Variants in CYP11B2 observed in about 807,000 individuals in gnomAD.
The protein encoded by CYP11B2 is cytochrome P450 11B2, mitochondrial.
In CYP11B2, 38 loss-of-function variants were observed where a neutral mutation model predicts 49.3. The observed-to-expected ratio is 0.77, with a 90% CI of 0.59 to 1.01. The LOEUF (loss-of-function observed/expected upper bound fraction) is 1.01. CYP11B2 is among the 50% of genes least tolerant of loss of function. The pLI is 0.00. For missense variants in CYP11B2, 669 were observed against 655.5 expected (o/e 1.02, Z -0.23); for synonymous variants, 290 against 269.3 (o/e 1.08, Z -0.75).
chr8:142,916,624 C>A, intron 2 of CYP11B2: 1 of 389,608 alleles, frequency 2.6e-6, no homozygotes, highest in South Asian at 1.9e-5. Context: ...CTGCAGGGAC[C>A]CTGAGCGCCC....
Position 142,914,330 on chromosome 8 carries a change from C to A in CYP11B2, c.888G>T (p.Lys296Asn). 2 of 1,613,996 alleles carry A rather than the reference C, an allele frequency of 1.2e-6. No individual in the cohort carries two copies. Among genetic ancestry groups the A allele is most frequent in the African/African-American group, 2.7e-5 (2 of 75,036 alleles). Reference protein sequence around the residue: ...YTGIVAELLLKAELSLEAIKA... With the variant: ...YTGIVAELLLNAELSLEAIKA... ...TGATGGCTTCTAGTGACAGTTCCGC[C>A]TTCAACAGGAGCTCCGCCACGATGC... Residue 296 changes from lysine (K) to asparagine (N), a missense_variant, in exon 5 of 9, where the codon AAG becomes AAT. Lys to Asn is a moderately conservative substitution (Grantham distance 94). Coordinates refer to ENST00000323110, the MANE Select transcript of CYP11B2 (RefSeq NM_000498.3).
chr8:142,911,165 C>T lies in CYP11B2; in HGVS notation c.*815G>A, dbSNP rs1175320245. 6.6e-6 allele frequency: 1 copy of T among 152,166 alleles called. No homozygotes were observed. Among genetic ancestry groups the T allele is most frequent in the Non-Finnish European group, 1.5e-5 (1 of 68,064 alleles). 9.4% of individuals were successfully genotyped at this position (152,166 alleles called of 1,614,324 possible). A position where few individuals can be genotyped will look rare whatever the true frequency, so the allele number is the denominator to read the frequency against. On this transcript the variant is annotated 3_prime_UTR_variant, in exon 9 of 9. Coordinates refer to ENST00000323110, the MANE Select transcript of CYP11B2 (RefSeq NM_000498.3). ...TGGCCCAATCCTGTCTCTCCTGTTG[C>T]CAAAAACATTTCTGGAACCACACCC...
chr8:142,916,940 C>T lies in CYP11B2; in HGVS notation c.395+119G>A, dbSNP rs1817656625. On this transcript the variant is annotated intron_variant, in intron 2 of 8. Transcript: ENST00000323110. ...GTCCTCTGGGCCGGGTGCTCACCCT[C>T]ACTGCCCACCACAGGGGCCCAGGGC... 9 of 1,479,108 alleles carry T rather than the reference C, an allele frequency of 6.1e-6. No individual in the cohort carries two copies. In the South Asian group the frequency reaches 1.1e-4, roughly 18 times the overall value. 91.6% of individuals were successfully genotyped at this position (1,479,108 alleles called of 1,614,324 possible).
At chr8:142,915,946 A>T (rs1215474015) in intron 2 of CYP11B2, among the ~76,000 whole-genome samples, 2 of 152,198 alleles carry the variant, frequency 1.3e-5, no homozygotes, top group Admixed American at 6.5e-5. Context: ...ATGCACATGC[A>T]CACGTGCGCC....
rs549023364 is a variant in CYP11B2 at position 142,917,129 on chromosome 8, A to G, written c.325T>C (p.Cys109Arg). The part of the protein sequence containing the change: ...KLQQVDSLHP[C>R]RMILEPWVAY... ...ACCCAGGGCTCCAGGATCATCCTGC[A>G]GGGATGCAGGCTGTCCACCTGTTGC... Residue 109 changes from cysteine to arginine, a missense_variant, in exon 2 of 9, where the codon TGC becomes CGC. By Grantham distance (180) the Cys-to-Arg change is radical. Transcript: ENST00000323110. 197 of 1,614,198 alleles carry G rather than the reference A, an allele frequency of 1.2e-4. 3 individuals are homozygous for G. The East Asian group carries it at 2.3e-3, about 19-fold the overall frequency.
At position 142,914,479 on chromosome 8, in the gene CYP11B2, C is replaced by T; in HGVS notation, c.800-61G>A. The stretch of plus-strand genomic sequence containing the variant: ...GTGCTGGGAAGCATCCTTCAGTGTC[C>T]TCCTCCTGCCCAGACTGCCCCGACA... On this transcript the variant is annotated intron_variant, in intron 4 of 8. Coordinates refer to ENST00000323110, the MANE Select transcript of CYP11B2 (RefSeq NM_000498.3). 5 of 1,512,674 alleles carry T rather than the reference C, an allele frequency of 3.3e-6. No individual in the cohort carries two copies. The South Asian group carries it at 5.9e-5, about 18-fold the overall frequency. 93.7% of individuals were successfully genotyped at this position (1,512,674 alleles called of 1,614,324 possible).
At chr8:142,914,007 C>A (rs1013704045) in intron 5 of CYP11B2, 1 of 615,692 alleles carries the variant, frequency 1.6e-6, no homozygotes, top group Non-Finnish European at 3.0e-6. Context: ...AGGGCCTCAT[C>A]CAACTTTCTT....
chr8:142,912,123 C>G (rs762805833), intron 8 of CYP11B2, 30 bp from the exon 9 acceptor site: 10 of 1,613,632 alleles, frequency 6.2e-6, no homozygotes, highest in Non-Finnish European at 8.5e-6. Context: ...TCCATCTGGC[C>G]TGGTCAGTAG....
Position 142,914,708 on chromosome 8 carries a change from A to C in CYP11B2, c.796T>G (p.Tyr266Asp), listed in dbSNP as rs779486718. The C allele has an allele frequency of 6.8e-6, 11 of 1,606,782 alleles. No homozygotes were observed. The highest frequency in any genetic ancestry group is 6.8e-5 in the Admixed American group (4 of 59,236). ...CTGCCCGGGTCCCTGGCCTCACCGTACTGGAAGATGCAGTCCCAGGCCTCA... is the reference window on the plus strand; with the variant it reads ...CTGCCCGGGTCCCTGGCCTCACCGTCCTGGAAGATGCAGTCCCAGGCCTCA... ...HFEAWDCIFQ[Y>D]GDNCIQKIYQ... The change falls in exon 4 of 9, where the codon TAC (tyrosine) becomes GAC (aspartate). Residue 266 changes from tyrosine (Y) to aspartate (D), a missense_variant. Transcript: ENST00000323110.
chr8:142,917,353 G>C, intron 1 of CYP11B2, 139 bp from the exon 2 acceptor site: 1 of 1,398,342 alleles, frequency 7.2e-7, no homozygotes, highest in Non-Finnish European at 1.0e-6. Flanking sequence ...CCTCCTGCTG[G>C]CTCCCTGGAA....
intron 2 of CYP11B2, among the ~76,000 whole-genome samples, chr8:142,916,194 A>G (rs1349559924): frequency 6.6e-6 from 1 of 151,966 alleles, no homozygotes; most frequent in Non-Finnish European, 1.5e-5. Flanking sequence ...CCTTCCTTCC[A>G]TTATGCGCAC....
Position 142,912,547 on chromosome 8 carries a change from G to C in CYP11B2, c.1381C>G (p.Leu461Val), listed in dbSNP as rs1187876999. ...LGRRLAEAEM[L>V]LLLHHVLKHF... ...CTGCTTACGTGGTGCAGCAGCAGCA[G>C]CATCTCTGCCTCTGCCAGGCGCCGC... The change falls in exon 8 of 9, where the codon CTG becomes GTG. Residue 461 changes from leucine (L) to valine (V), a missense_variant. Physicochemically the swap from Leu to Val is conservative, Grantham distance 32 (BLOSUM62 1). Transcript: ENST00000323110. 2.5e-6 allele frequency: 4 copies of C among 1,613,064 alleles called. No homozygotes were observed. Among genetic ancestry groups the C allele is most frequent in the Non-Finnish European group, 3.4e-6 (4 of 1,179,440 alleles).
At chr8:142,915,594 G>A (rs13257266) in intron 2 of CYP11B2, among the ~76,000 whole-genome samples, 1 of 127,894 alleles carries the variant, frequency 7.8e-6, no homozygotes, top group Non-Finnish European at 1.9e-5. Context: ...CAAGAAAGGA[G>A]GTGACCCCTG....
chr8:142,915,336 G>A (rs1239726974), intron 2 of CYP11B2, 91 bp from the exon 3 acceptor site: 45 of 1,191,660 alleles, frequency 3.8e-5, no homozygotes, highest in South Asian at 7.8e-5. Flanking sequence ...AAGGGGAATC[G>A]GCCTGCAGGG....
At chr8:142,912,508 C>A in intron 8 of CYP11B2, 22 bp downstream of exon 8, 12 of 1,601,148 alleles carry the variant, frequency 7.5e-6, no homozygotes, top group Non-Finnish European at 1.0e-5. Flanking sequence ...CAGGTCCCGC[C>A]CCCGCCCCCA....
At chr8:142,912,486 G>T in intron 8 of CYP11B2, 44 bp downstream of exon 8, 1 of 1,591,806 alleles carries the variant, frequency 6.3e-7, no homozygotes, top group East Asian at 2.2e-5. Context: ...TGCAGGTCCC[G>T]CCTCTGCTGC....
intron 6 of CYP11B2, 62 bp from the exon 7 acceptor site, chr8:142,912,947 C>T: frequency 3.3e-6 from 5 of 1,529,218 alleles, no homozygotes; most frequent in Non-Finnish European, 4.5e-6. Context: ...GTGCTCTCTG[C>T]ACCCTTCCTA....
intron 2 of CYP11B2, among the ~76,000 whole-genome samples, chr8:142,915,453 G>A (rs1468894498): frequency 6.6e-6 from 1 of 151,230 alleles, no homozygotes; most frequent in South Asian, 2.1e-4. Context: ...TCTAAGCAGG[G>A]ATGAGATGGT....
At chr8:142,915,841 G>A (rs1817634978) in intron 2 of CYP11B2, among the ~76,000 whole-genome samples, 3 of 152,040 alleles carry the variant, frequency 2.0e-5, no homozygotes, top group African/African-American at 4.8e-5. Context: ...GGAATGGTGG[G>A]GAGGAATTTC....
Sources: allele counts gnomAD v4.1 joint callset (sites outside exome capture counted in the v4.1 genomes callset), GRCh38; gene constraint gnomAD v4.1.1; transcripts MANE v1.5; gene names NCBI Gene and HGNC (gene_info 2026-07-23, HGNC 2026-07-21).